The following MRRF variants were observed in gnomAD, a reference collection of about 807,000 sequenced individuals.
MRRF encodes ribosome-recycling factor, mitochondrial.
In MRRF, 18 loss-of-function variants were observed where a neutral mutation model predicts 25.1. The ratio of observed to expected loss-of-function variants is 0.72; its 90% CI spans 0.50 to 1.06. MRRF has a LOEUF of 1.06. Among genes scored for constraint, MRRF ranks in the 50% least tolerant of loss-of-function variants. The pLI is 0.00. For synonymous variants in MRRF, 113 were observed against 112.1 expected, an observed-to-expected ratio of 1.01 and a Z score of -0.05; for missense variants, 323 against 319.3, an observed-to-expected ratio of 1.01 and a Z score of -0.09.
intron 5 of MRRF, among the ~76,000 whole-genome samples, chr9:122,304,519 A>G (rs1177042009): frequency 6.6e-6 from 1 of 152,182 alleles, no homozygotes; most frequent in African/African-American, 2.4e-5. Flanking sequence ...GCAAGTTGCC[A>G]CCAACACTTA....
chr9:122,317,539 T>C (rs1320900918), intron 6 of MRRF, among the ~76,000 whole-genome samples: 4 of 152,176 alleles, frequency 2.6e-5, no homozygotes, highest in Non-Finnish European at 2.9e-5. Flanking sequence ...TTTACATTCA[T>C]TAGAATCTAC....
At chr9:122,304,073 A>C (rs976401312) in intron 5 of MRRF, among the ~76,000 whole-genome samples, 1 of 151,402 alleles carries the variant, frequency 6.6e-6, no homozygotes, top group East Asian at 1.9e-4. Flanking sequence ...ACACACACAC[A>C]CACACACACA....
chr9:122,287,980 C>T (rs1833515544), intron 4 of MRRF, among the ~76,000 whole-genome samples: 1 of 152,180 alleles, frequency 6.6e-6, no homozygotes, highest in Non-Finnish European at 1.5e-5. Context: ...ATTTCTGTTT[C>T]ACATACAGTT....
chr9:122,286,784 A>G (rs1833438843), intron 4 of MRRF, among the ~76,000 whole-genome samples: 1 of 152,188 alleles, frequency 6.6e-6, no homozygotes. Context: ...CTTTGCCTTT[A>G]TTGGTGGCTT....
chr9:122,283,854 CTG>C (rs1415028242), intron 3 of MRRF, among the ~76,000 whole-genome samples: 1 of 152,164 alleles, frequency 6.6e-6, no homozygotes, highest in Admixed American at 6.5e-5. Context: ...CCATCTGTAA[CTG>C]TGGCTTTATT....
rs1383961932 is a variant in MRRF, at chr9:122,322,769, A to G, written c.*152A>G. On this transcript the variant is annotated 3_prime_UTR_variant, in exon 7 of 7. Transcript: ENST00000344641. ...TTGTAAGGCCCAGCCTTCCAGGGGA[A>G]CACTCAGACATGTTCATTCTCTTCC... 6 of 733,266 alleles carry G rather than the reference A, an allele frequency of 8.2e-6. No homozygotes were observed. The highest frequency in any genetic ancestry group is 1.7e-5 in the African/African-American group (1 of 57,444). The allele number at this position is 733,266 out of a possible 1,614,324, so 45.4% of individuals were successfully genotyped here.
rs1672055654 is a variant in MRRF, at chr9:122,329,000, G to A, written c.*6383G>A. On this transcript the variant is annotated 3_prime_UTR_variant, in exon 7 of 7. Transcript: ENST00000344641. The stretch of plus-strand genomic sequence containing the variant: ...CTTACATTCCTTTCTTCTGGTCTGT[G>A]TTTCAGTCCATCCTACGCTGTTAAG... 1 of 152,108 alleles carries A rather than the reference G, an allele frequency of 6.6e-6. No individual in the cohort carries two copies. Among genetic ancestry groups the A allele is most frequent in the African/African-American group, 2.4e-5 (1 of 41,418 alleles). The allele number at this position is 152,108 out of a possible 1,614,324, so 9.4% of individuals were successfully genotyped here. A position where few individuals can be genotyped will look rare whatever the true frequency, so the allele number is the denominator to read the frequency against.
At chr9:122,289,120 A>G (rs1402224756) in intron 4 of MRRF, among the ~76,000 whole-genome samples, 1 of 152,200 alleles carries the variant, frequency 6.6e-6, no homozygotes, top group African/African-American at 2.4e-5. Context: ...TCAAAGGAAA[A>G]TACATGTAGA....
At chr9:122,322,432 TG>T in intron 6 of MRRF, 107 bp from the exon 7 acceptor site, 1 of 975,524 alleles carries the variant, frequency 1.0e-6, no homozygotes. Context: ...TGTGAACTTT[TG>T]TCACTATTAT....
chr9:122,323,710 A>G lies in MRRF; in HGVS notation c.*1093A>G, dbSNP rs1167279258. ...TTATGAGTTAGGTATAGTTCTAGGC[A>G]TTATTTATAATCTTGACAGTAAACT... is the stretch of plus-strand genomic sequence containing the variant. On this transcript the variant is annotated 3_prime_UTR_variant, in exon 7 of 7. Transcript: ENST00000344641. The G allele has an allele frequency of 2.6e-5, 4 of 152,198 alleles. No homozygotes were observed. In the East Asian group the frequency reaches 5.8e-4, roughly 22 times the overall value. 9.4% of individuals were successfully genotyped at this position (152,198 alleles called of 1,614,324 possible).
At position 122,276,247 on chromosome 9, in the gene MRRF, G is replaced by A. The variant is rs546038354; in HGVS notation, c.185-4196G>A. On this transcript the variant is annotated intron_variant, in intron 2 of 6. Coordinates refer to ENST00000344641, the MANE Select transcript of MRRF (RefSeq NM_138777.5). ...TTTGTTTTGTTTTTAAAGTATTAAGGTTAGAAGTTTCTGTCTAAATACAAC... is the reference window on the plus strand; with the variant it reads ...TTTGTTTTGTTTTTAAAGTATTAAGATTAGAAGTTTCTGTCTAAATACAAC... Among the ~76,000 whole-genome samples the A allele has an allele frequency of 2.6e-5, 4 of 152,058 alleles. No individual in the cohort carries two copies. In the South Asian group the frequency reaches 8.3e-4, roughly 32 times the overall value.
chr9:122,269,610 C>T (rs188857418), intron 1 of MRRF, among the ~76,000 whole-genome samples: 7 of 152,150 alleles, frequency 4.6e-5, no homozygotes, highest in South Asian at 2.1e-4. Context: ...GCCTGTAATC[C>T]CAGCTACTTG....
chr9:122,283,966 T>TTTGTTGTTGTTGTTGCTGTTG (rs1833231468), intron 3 of MRRF, among the ~76,000 whole-genome samples: 1 of 150,534 alleles, frequency 6.6e-6, no homozygotes, highest in Non-Finnish European at 1.5e-5. Context: ...TGTTAATAGT[T>TTTGTTGTTGTTGTTGCTGTTG]TTGTTGTTGT....
chr9:122,286,893 TGTTTTTTCA>T lies in MRRF; in HGVS notation c.459+1612_459+1620del, dbSNP rs1199444435. Reference sequence around the variant, plus strand: ...AGATGGCTTTGCTTGATCTTGCCTCTGTTTTTTCAGTTTTGCCAGTCTTGTGCCACTGTC... The same window carrying T: ...AGATGGCTTTGCTTGATCTTGCCTCTGTTTTGCCAGTCTTGTGCCACTGTC... On this transcript the variant is annotated intron_variant, in intron 4 of 6. Transcript: ENST00000344641. Among the ~76,000 whole-genome samples, 3 of 152,200 alleles carry T rather than the reference TGTTTTTTCA, an allele frequency of 2.0e-5. No homozygotes were observed. In the East Asian group the frequency reaches 5.8e-4, roughly 29 times the overall value.
At chr9:122,294,035 A>G (rs574507638) in intron 5 of MRRF, among the ~76,000 whole-genome samples, 2 of 152,196 alleles carry the variant, frequency 1.3e-5, no homozygotes, top group South Asian at 4.1e-4. Context: ...AGCAAGATTT[A>G]CAAGAGTAAT....
chr9:122,318,515 G>A (rs55831718), intron 6 of MRRF, among the ~76,000 whole-genome samples: 3,331 of 152,306 alleles, frequency 0.022, 44 homozygotes, highest in South Asian at 0.049. Context: ...TGGAAGGCAG[G>A]GAGGCTGGTC....
rs1465285989 is a variant in MRRF, at chr9:122,322,928, C to T, written c.*311C>T. On this transcript the variant is annotated 3_prime_UTR_variant, in exon 7 of 7. Transcript: ENST00000344641. Reference sequence around the variant, plus strand: ...TTGGCAGGCTTAGTACCACCTGCTCCTCATCTTAGGAGTCTCCTTTTCAAA... The same window carrying T: ...TTGGCAGGCTTAGTACCACCTGCTCTTCATCTTAGGAGTCTCCTTTTCAAA... 10 of 478,838 alleles carry T rather than the reference C, an allele frequency of 2.1e-5. No individual in the cohort carries two copies. The highest frequency in any genetic ancestry group is 3.8e-5 in the Non-Finnish European group (10 of 261,150). The allele number at this position is 478,838 out of a possible 1,614,324, so 29.7% of individuals were successfully genotyped here.
At chr9:122,273,958 G>A (rs930132033) in intron 2 of MRRF, among the ~76,000 whole-genome samples, 1 of 152,102 alleles carries the variant, frequency 6.6e-6, no homozygotes, top group Non-Finnish European at 1.5e-5. Context: ...GTTGTTTCCA[G>A]TTTTGAGCTA....
At chr9:122,318,635 C>G (rs1428987767) in intron 6 of MRRF, among the ~76,000 whole-genome samples, 1 of 152,166 alleles carries the variant, frequency 6.6e-6, no homozygotes. Flanking sequence ...TCTGTCCCTG[C>G]CTTTCATTTT....
Sources: gnomAD v4.1 joint callset for allele counts (sites outside exome capture counted in the v4.1 genomes callset) on GRCh38, gnomAD v4.1.1 for gene constraint, MANE v1.5 for transcripts, NCBI Gene and HGNC (gene_info 2026-07-23, HGNC 2026-07-21) for gene names.